DNER: variants seen among roughly 807,000 people sequenced by gnomAD.
DNER encodes the protein delta and Notch-like epidermal growth factor-related receptor.
Under a neutral mutation model 78.2 loss-of-function variants are expected in DNER, and 33 were observed. The observed-to-expected ratio is 0.42, with a 90% CI of 0.32 to 0.56. The LOEUF is 0.56. DNER is among the 20% of genes least tolerant of loss of function. The probability of loss-of-function intolerance (pLI) is 0.11; values close to 1 mark genes in which losing one functional copy is unlikely to be tolerated. For missense variants in DNER, 918 were observed against 975.3 expected (o/e 0.94, Z 0.78); for synonymous variants, 417 against 384.8 (o/e 1.08, Z -0.98).
intron 1 of DNER, among the ~76,000 whole-genome samples, chr2:229,697,882 G>C (rs1352495889): frequency 6.6e-6 from 1 of 152,098 alleles, no homozygotes; most frequent in Non-Finnish European, 1.5e-5. Context: ...AGTTTTCAAG[G>C]CATGCATGTA....
chr2:229,515,324 G>C (rs1456258580), intron 5 of DNER, among the ~76,000 whole-genome samples: 1 of 152,192 alleles, frequency 6.6e-6, no homozygotes. Context: ...ATGTGCATGA[G>C]TCCTGTTTGG....
chr2:229,626,956 C>A (rs552146999), intron 1 of DNER, among the ~76,000 whole-genome samples: 1 of 152,202 alleles, frequency 6.6e-6, no homozygotes, highest in South Asian at 2.1e-4. Flanking sequence ...GGGGTCGAAC[C>A]CTGTTATCAA....
intron 6 of DNER, among the ~76,000 whole-genome samples, chr2:229,502,414 T>G (rs1695639765): frequency 6.8e-6 from 1 of 148,008 alleles, no homozygotes; most frequent in Non-Finnish European, 1.5e-5. Context: ...GGGCACATAA[T>G]GCCAAAACTG....
intron 4 of DNER, among the ~76,000 whole-genome samples, chr2:229,551,714 A>G (rs1696740870): frequency 6.6e-6 from 1 of 151,846 alleles, no homozygotes; most frequent in African/African-American, 2.4e-5. Context: ...TGGGCAGATC[A>G]CGAGGTCAGG....
chr2:229,394,074 CCA>C (rs1028683632), intron 10 of DNER, among the ~76,000 whole-genome samples: 1 of 151,778 alleles, frequency 6.6e-6, no homozygotes, highest in Non-Finnish European at 1.5e-5. Context: ...CACAAGAAAA[CCA>C]CACACACACA....
In DNER at chr2:229,588,498, G is replaced by GGA; in HGVS notation, c.586-11_586-10insTC. ...CAATATCTGGGATCACCTGGGAAGG[G>GGA]AAAAAAAAAACGACATATGATTGGG... On this transcript the variant is annotated splice_polypyrimidine_tract_variant and intron_variant, in intron 2 of 12. Transcript: ENST00000341772. The GGA allele has an allele frequency of 1.9e-5, 23 of 1,188,972 alleles. No homozygotes were observed. The highest frequency in any genetic ancestry group is 2.7e-5 in the Non-Finnish European group (23 of 851,664). The allele number at this position is 1,188,972 out of a possible 1,614,324, so 73.7% of individuals were successfully genotyped here. A position where few individuals can be genotyped will look rare whatever the true frequency, so the allele number is the denominator to read the frequency against.
chr2:229,561,549 G>A (rs571923692), intron 4 of DNER, among the ~76,000 whole-genome samples: 35 of 151,832 alleles, frequency 2.3e-4, no homozygotes, highest in African/African-American at 8.4e-4. Context: ...CTTAAAGAGT[G>A]AACAAAAAAA....
intron 3 of DNER, among the ~76,000 whole-genome samples, chr2:229,587,532 G>A (rs779102537): frequency 1.1e-4 from 16 of 152,218 alleles, no homozygotes; most frequent in Non-Finnish European, 1.8e-4. Context: ...ACATGGAAGA[G>A]ACCTACAGTG....
At chr2:229,506,142 G>A (rs1574874796) in intron 6 of DNER, among the ~76,000 whole-genome samples, 1 of 151,764 alleles carries the variant, frequency 6.6e-6, no homozygotes, top group Non-Finnish European at 1.5e-5. Flanking sequence ...CCAAAACTGG[G>A]TAATTTATAA....
rs933590746 is a variant in DNER at position 229,714,119 on chromosome 2, C to T, written c.276+29G>A. On this transcript the variant is annotated intron_variant, in intron 1 of 12. Coordinates refer to ENST00000341772, the MANE Select transcript of DNER (RefSeq NM_139072.4). Reference sequence around the variant, plus strand: ...GAGGCTGCTGGTCCCGGACCAGCGCCCCGCACCGCGCCCGCCGCTTCCACT... The same window carrying T: ...GAGGCTGCTGGTCCCGGACCAGCGCTCCGCACCGCGCCCGCCGCTTCCACT... The T allele has an allele frequency of 4.7e-6, 6 of 1,279,290 alleles. No homozygotes were observed. The African/African-American group carries it at 7.8e-5, about 17-fold the overall frequency. The allele number at this position is 1,279,290 out of a possible 1,614,324, so 79.2% of individuals were successfully genotyped here. A position where few individuals can be genotyped will look rare whatever the true frequency, so the allele number is the denominator to read the frequency against.
chr2:229,549,833 C>T (rs1696697277), intron 4 of DNER, among the ~76,000 whole-genome samples: 1 of 151,270 alleles, frequency 6.6e-6, no homozygotes, highest in Non-Finnish European at 1.5e-5. Context: ...ATCGCTTGAA[C>T]CCGGGAGGCA....
At chr2:229,640,488 T>G (rs1028117563) in intron 1 of DNER, among the ~76,000 whole-genome samples, 2 of 141,714 alleles carry the variant, frequency 1.4e-5, no homozygotes, top group Non-Finnish European at 3.2e-5. Flanking sequence ...TCATGTGGTA[T>G]GAGGAGTTTG....
At chr2:229,471,928 G>A (rs1436682827) in intron 7 of DNER, among the ~76,000 whole-genome samples, 1 of 152,160 alleles carries the variant, frequency 6.6e-6, no homozygotes, top group African/African-American at 2.4e-5. Flanking sequence ...CCTCGTCACG[G>A]GGCCTAGACT....
intron 1 of DNER, among the ~76,000 whole-genome samples, chr2:229,614,068 C>G (rs933281270): frequency 6.6e-6 from 1 of 151,204 alleles, no homozygotes. Flanking sequence ...AGGAGATATA[C>G]CTAATGCTAA....
intron 1 of DNER, among the ~76,000 whole-genome samples, chr2:229,690,675 GA>G (rs1038152023): frequency 5.9e-5 from 9 of 151,580 alleles, no homozygotes; most frequent in Non-Finnish European, 7.4e-5. Flanking sequence ...ATATCTGTGG[GA>G]AAAAAAAATC....
intron 4 of DNER, among the ~76,000 whole-genome samples, chr2:229,563,734 ACCCCAT>A (rs1697025502): frequency 7.5e-6 from 1 of 132,790 alleles, no homozygotes; most frequent in Non-Finnish European, 1.6e-5. Context: ...CATCATCATC[ACCCCAT>A]CACCATCATC....
At chr2:229,701,318 C>T (rs1377338964) in intron 1 of DNER, among the ~76,000 whole-genome samples, 1 of 152,172 alleles carries the variant, frequency 6.6e-6, no homozygotes, top group Non-Finnish European at 1.5e-5. Flanking sequence ...AATTGACAAA[C>T]CTTTCAGAAA....
rs528016269 is a variant in DNER at position 229,451,934 on chromosome 2, G to C, written c.1262-4394C>G. 5.3e-5 allele frequency among the ~76,000 whole-genome samples: 8 copies of C among 152,322 alleles called. No individual in the cohort carries two copies. The East Asian group carries it at 1.5e-3, about 29-fold the overall frequency. On this transcript the variant is annotated intron_variant, in intron 7 of 12. Coordinates refer to ENST00000341772, the MANE Select transcript of DNER (RefSeq NM_139072.4). ...ATAGTAATATAAGCCACACAGAATAGTCCAAGTAGAAATAAAAATGGGTAA... is the reference window on the plus strand; with the variant it reads ...ATAGTAATATAAGCCACACAGAATACTCCAAGTAGAAATAAAAATGGGTAA...
intron 1 of DNER, among the ~76,000 whole-genome samples, chr2:229,630,338 T>A (rs905176845): frequency 1.3e-5 from 2 of 151,988 alleles, no homozygotes; most frequent in African/African-American, 4.8e-5. Context: ...TAGCCGGGTA[T>A]GCTGGCACAT....
Sources: allele counts gnomAD v4.1 joint callset (sites outside exome capture counted in the v4.1 genomes callset), GRCh38; gene constraint gnomAD v4.1.1; transcripts MANE v1.5; gene names NCBI Gene and HGNC (gene_info 2026-07-23, HGNC 2026-07-21).